EHBP1: variants seen among roughly 807,000 people sequenced by gnomAD.
EHBP1 encodes the protein EH domain-binding protein 1.
A neutral mutation model predicts 144.0 loss-of-function variants in EHBP1; 55 were observed. That is an observed-to-expected ratio of 0.38 (90% confidence interval 0.31 to 0.48). EHBP1 has a LOEUF of 0.48. Among genes scored for constraint, EHBP1 ranks in the 20% least tolerant of loss-of-function variants. The probability of loss-of-function intolerance (pLI) is 0.98; values close to 1 mark genes in which losing one functional copy is unlikely to be tolerated. For synonymous variants in EHBP1, 469 were observed against 472.7 expected, an observed-to-expected ratio of 0.99 and a Z score of 0.10; for missense variants, 1,200 against 1,364.2, an observed-to-expected ratio of 0.88 and a Z score of 1.90.
At chr2:62,745,524 A>G (rs1386767077) in intron 2 of EHBP1, among the ~76,000 whole-genome samples, 2 of 152,046 alleles carry the variant, frequency 1.3e-5, no homozygotes, top group Admixed American at 6.6e-5. Context: ...TAAACATTGT[A>G]ACATTGCAAA....
intron 2 of EHBP1, among the ~76,000 whole-genome samples, chr2:62,746,702 G>A (rs983864508): frequency 3.3e-5 from 5 of 152,004 alleles, no homozygotes; most frequent in Non-Finnish European, 5.9e-5. Flanking sequence ...ACTTTTGCAC[G>A]AACCTAATTT....
At chr2:62,734,580 A>C (rs760426282) in intron 2 of EHBP1, among the ~76,000 whole-genome samples, 11 of 152,308 alleles carry the variant, frequency 7.2e-5, no homozygotes, top group Non-Finnish European at 1.2e-4. Flanking sequence ...AAAACATACA[A>C]TTGGGTCTTG....
Position 62,826,092 on chromosome 2 carries a change from C to A in EHBP1, c.318C>A (p.Ser106=), listed in dbSNP as rs778885881. The change falls in exon 6 of 23, where the codon TCC becomes TCA. Residue 106 remains serine, a synonymous_variant. Transcript: ENST00000431489. ...TTTTTTCTTTAATCTTCCAGGAATC[C>A]CCTTCTGGTCGAAGGAAAGCTCTTG... ...KEWTFVIENE[S]PSGRRKALAT... 3.2e-5 allele frequency: 47 copies of A among 1,450,654 alleles called. No individual in the cohort carries two copies. The highest frequency in any genetic ancestry group is 4.0e-5 in the Non-Finnish European group (44 of 1,097,630). The allele number at this position is 1,450,654 out of a possible 1,614,324, so 89.9% of individuals were successfully genotyped here.
rs889011832 is a variant in EHBP1 at position 62,753,226 on chromosome 2, G to C, written c.162+5774G>C. Among the ~76,000 whole-genome samples, 11 of 152,234 alleles carry C rather than the reference G, an allele frequency of 7.2e-5. No homozygotes were observed. In the South Asian group the frequency reaches 2.3e-3, roughly 32 times the overall value. On this transcript the variant is annotated intron_variant, in intron 3 of 22. Transcript: ENST00000431489. The stretch of plus-strand genomic sequence containing the variant: ...TGACAAAATCTCTCAGCATTTGCTT[G>C]TCTGTAAAGTATTTTATTTCTCCTT...
intron 7 of EHBP1, among the ~76,000 whole-genome samples, chr2:62,839,249 T>A (rs572796215): frequency 6.6e-6 from 1 of 152,266 alleles, no homozygotes; most frequent in Non-Finnish European, 1.5e-5. Flanking sequence ...ACCCCATGAT[T>A]ATCTCAATAG....
chr2:62,767,819 G>A (rs1410473229), intron 4 of EHBP1, among the ~76,000 whole-genome samples: 3 of 127,022 alleles, frequency 2.4e-5, no homozygotes, highest in African/African-American at 5.8e-5. Context: ...CTGGACAGCA[G>A]AGCAAGACTC....
At chr2:62,978,455 C>A (rs1574329974) in intron 14 of EHBP1, among the ~76,000 whole-genome samples, 1 of 152,088 alleles carries the variant, frequency 6.6e-6, no homozygotes, top group Non-Finnish European at 1.5e-5. Context: ...TCCGCTTTGG[C>A]CTCCCAAAGT....
rs1404371910 is a variant in EHBP1, at chr2:62,981,902, G to A, written c.2608+2567G>A. Among the ~76,000 whole-genome samples, 4 of 152,210 alleles carry A rather than the reference G, an allele frequency of 2.6e-5. 1 individual carries two copies. Among genetic ancestry groups the A allele is most frequent in the Middle Eastern group, 6.8e-3 (2 of 294 alleles). On this transcript the variant is annotated intron_variant, in intron 15 of 22. Coordinates refer to ENST00000431489, the MANE Select transcript of EHBP1 (RefSeq NM_001142616.3). ...TCCTGAAGGAGACCAAAGTGACCAG[G>A]GTCTATTTTCCCCATAGGACACAGC... is the stretch of plus-strand genomic sequence containing the variant.
At chr2:62,774,387 AAAAG>A (rs1340397908) in intron 5 of EHBP1, among the ~76,000 whole-genome samples, 2 of 151,920 alleles carry the variant, frequency 1.3e-5, no homozygotes, top group Non-Finnish European at 2.9e-5. Flanking sequence ...AAAAAAAAAA[AAAAG>A]AGAGAAAAGA....
intron 2 of EHBP1, among the ~76,000 whole-genome samples, chr2:62,710,975 A>G (rs189717292): frequency 6.5e-4 from 99 of 152,334 alleles, no homozygotes; most frequent in African/African-American, 2.1e-3. Context: ...CCTACTTTTG[A>G]AATAAATTTT....
At chr2:62,876,793 C>T (rs2050920529) in intron 10 of EHBP1, among the ~76,000 whole-genome samples, 1 of 152,160 alleles carries the variant, frequency 6.6e-6, no homozygotes, top group Admixed American at 6.5e-5. Flanking sequence ...ATCATAAGAA[C>T]AGCAAGGGGG....
intron 19 of EHBP1, among the ~76,000 whole-genome samples, chr2:63,025,256 G>A (rs1207094560): frequency 6.6e-6 from 1 of 152,170 alleles, no homozygotes; most frequent in Non-Finnish European, 1.5e-5. Context: ...GTCAACAGGT[G>A]TATTGTGAGG....
intron 5 of EHBP1, among the ~76,000 whole-genome samples, chr2:62,807,669 C>T (rs796509036): frequency 7.2e-5 from 11 of 152,210 alleles, no homozygotes; most frequent in African/African-American, 2.4e-4. Flanking sequence ...CTCTAGAGAA[C>T]TTCTTTTAAC....
At chr2:62,896,971 G>A (rs954948643) in intron 10 of EHBP1, among the ~76,000 whole-genome samples, 1 of 152,006 alleles carries the variant, frequency 6.6e-6, no homozygotes, top group African/African-American at 2.4e-5. Context: ...AATTGTTTTA[G>A]CTAGATAACA....
At chr2:62,735,047 T>C (rs1302249191) in intron 2 of EHBP1, among the ~76,000 whole-genome samples, 1 of 152,140 alleles carries the variant, frequency 6.6e-6, no homozygotes, top group African/African-American at 2.4e-5. Context: ...ACCACAGGCA[T>C]GCACCACCAT....
At chr2:62,941,222 A>G (rs1380409454) in intron 10 of EHBP1, among the ~76,000 whole-genome samples, 1 of 152,180 alleles carries the variant, frequency 6.6e-6, no homozygotes, top group African/African-American at 2.4e-5. Flanking sequence ...TTAAATGCCT[A>G]GAGGGATTTG....
chr2:62,787,576 C>G (rs2042904298), intron 5 of EHBP1, among the ~76,000 whole-genome samples: 1 of 152,076 alleles, frequency 6.6e-6, no homozygotes. Flanking sequence ...CACAGTGCAG[C>G]ATAGTAGTTG....
At chr2:62,960,290 A>G (rs932067853) in intron 14 of EHBP1, among the ~76,000 whole-genome samples, 6 of 151,860 alleles carry the variant, frequency 4.0e-5, no homozygotes, top group African/African-American at 1.5e-4. Context: ...TTTTCATTCT[A>G]CAGTCCAGTT....
At chr2:63,041,079 C>A (rs1438173745) in intron 21 of EHBP1, among the ~76,000 whole-genome samples, 2 of 152,056 alleles carry the variant, frequency 1.3e-5, no homozygotes, top group Non-Finnish European at 2.9e-5. Flanking sequence ...CTGCTGAAAC[C>A]ATTCACCAGG....
Sources: allele counts gnomAD v4.1 joint callset (sites outside exome capture counted in the v4.1 genomes callset), GRCh38; gene constraint gnomAD v4.1.1; transcripts MANE v1.5; gene names NCBI Gene and HGNC (gene_info 2026-07-23, HGNC 2026-07-21).